PPP1R9A: variants seen among roughly 807,000 people sequenced by gnomAD.
PPP1R9A encodes protein phosphatase 1 regulatory subunit 9A, also known as neurabin-1.
PPP1R9A carries 59 observed loss-of-function variants against 141.9 expected under a neutral mutation model. The observed-to-expected ratio is 0.42, with a 90% CI of 0.34 to 0.52. PPP1R9A has a LOEUF of 0.52. Ranked by LOEUF, PPP1R9A falls within the 20% of genes least tolerant of loss-of-function variation. PPP1R9A has a pLI of 0.10. For missense variants in PPP1R9A, 1,444 were observed against 1,611.9 expected, an observed-to-expected ratio of 0.90 and a Z score of 1.78; for synonymous variants, 500 against 569.7, an observed-to-expected ratio of 0.88 and a Z score of 1.74.
intron 8 of PPP1R9A, among the ~76,000 whole-genome samples, chr7:95,240,367 T>C (rs1797271904): frequency 6.6e-6 from 1 of 152,096 alleles, no homozygotes; most frequent in Non-Finnish European, 1.5e-5. Flanking sequence ...GTTTTTGTTT[T>C]GTTTTCATTT....
intron 12 of PPP1R9A, among the ~76,000 whole-genome samples, chr7:95,259,451 A>T (rs1011622195): frequency 2.6e-5 from 4 of 152,170 alleles, no homozygotes; most frequent in African/African-American, 4.8e-5. Flanking sequence ...GTAAGAAAAT[A>T]AAAAAGGATA....
intron 8 of PPP1R9A, among the ~76,000 whole-genome samples, chr7:95,228,901 G>T (rs1046071973): frequency 6.6e-6 from 1 of 151,942 alleles, no homozygotes; most frequent in East Asian, 1.9e-4. Context: ...CCTAAGTATC[G>T]AGCTATAAGT....
intron 2 of PPP1R9A, among the ~76,000 whole-genome samples, chr7:95,022,692 G>T (rs543439974): frequency 6.6e-6 from 1 of 152,054 alleles, no homozygotes; most frequent in Non-Finnish European, 1.5e-5. Flanking sequence ...GCATGAAGGG[G>T]TGTTGAATTT....
intron 4 of PPP1R9A, among the ~76,000 whole-genome samples, chr7:95,151,654 T>G (rs1828694772): frequency 6.8e-6 from 1 of 146,606 alleles, no homozygotes; most frequent in Non-Finnish European, 1.5e-5. Flanking sequence ...CTTTAAAGGT[T>G]TTTTTTTTTT....
rs1368489228 is a variant in PPP1R9A, at chr7:94,910,779, G to A, written c.666G>A (p.Lys222=). 1 of 1,614,032 alleles carries A rather than the reference G, an allele frequency of 6.2e-7. No homozygotes were observed. The highest frequency in any genetic ancestry group is 1.7e-5 in the Admixed American group (1 of 60,016). ...TDSPSAIISE[K]AENNEYSVTG... is the part of the protein sequence containing the mutation. ...CTCCCAGTGCCATCATTTCTGAGAA[G>A]GCTGAAAACAATGAATACTCAGTGA... Residue 222 remains lysine, a synonymous_variant, in exon 2 of 20, where the codon AAG becomes AAA. Transcript: ENST00000433360. The surrounding 1 kb of genome is among the most constrained non-coding windows in gnomAD (Gnocchi z 4.5).
At chr7:95,285,093 C>G (rs1477470884) in intron 17 of PPP1R9A, among the ~76,000 whole-genome samples, 1 of 152,184 alleles carries the variant, frequency 6.6e-6, no homozygotes, top group African/African-American at 2.4e-5. Flanking sequence ...GCTCCATGTG[C>G]TCTAACCTAG....
At chr7:95,037,922 T>G (rs1329849191) in intron 2 of PPP1R9A, among the ~76,000 whole-genome samples, 2 of 145,422 alleles carry the variant, frequency 1.4e-5, no homozygotes, top group Non-Finnish European at 3.0e-5. Context: ...CTGGGCAATA[T>G]AGGGAAACCT....
At chr7:94,965,555 A>C (rs992951352) in intron 2 of PPP1R9A, among the ~76,000 whole-genome samples, 10 of 152,092 alleles carry the variant, frequency 6.6e-5, no homozygotes, top group African/African-American at 2.4e-4. Context: ...CAGTTTTCCC[A>C]ACACCGTTTA....
At chr7:95,002,453 G>A (rs567031496) in intron 2 of PPP1R9A, among the ~76,000 whole-genome samples, 6 of 152,294 alleles carry the variant, frequency 3.9e-5, no homozygotes, top group Non-Finnish European at 8.8e-5. Context: ...ATGGGAATAA[G>A]TTCAGGGGAC....
chr7:95,054,243 G>T (rs1254259918), intron 2 of PPP1R9A, among the ~76,000 whole-genome samples: 1 of 150,786 alleles, frequency 6.6e-6, no homozygotes, highest in African/African-American at 2.4e-5. Context: ...GGCCTCCCGA[G>T]TAGCTGAGAT....
At chr7:95,107,764 G>A (rs1353429373) in intron 2 of PPP1R9A, among the ~76,000 whole-genome samples, 1 of 152,010 alleles carries the variant, frequency 6.6e-6, no homozygotes, top group Non-Finnish European at 1.5e-5. Flanking sequence ...CAAACTGCTT[G>A]TTAGTTTTCA....
chr7:95,006,100 T>G (rs775403152), intron 2 of PPP1R9A, among the ~76,000 whole-genome samples: 1 of 152,138 alleles, frequency 6.6e-6, no homozygotes, highest in East Asian at 1.9e-4. Flanking sequence ...GCCTTATTTG[T>G]TAATTTTTGC....
At chr7:95,280,833 A>G (rs1804070748) in intron 16 of PPP1R9A, among the ~76,000 whole-genome samples, 1 of 152,188 alleles carries the variant, frequency 6.6e-6, no homozygotes, top group African/African-American at 2.4e-5. Flanking sequence ...GAGGAGGAGA[A>G]GAAGAAAGGG....
intron 2 of PPP1R9A, among the ~76,000 whole-genome samples, chr7:95,106,468 C>T (rs200537253): frequency 1.3e-5 from 2 of 152,128 alleles, no homozygotes; most frequent in East Asian, 3.9e-4. Context: ...ATGTATGTAT[C>T]TTGGGGTCTT....
In PPP1R9A at chr7:95,287,195, C is replaced by T. The variant is rs370346112; in HGVS notation, c.3729+870C>T. 1.2e-5 allele frequency: 19 copies of T among 1,563,940 alleles called. No individual in the cohort carries two copies. The African/African-American group carries it at 1.4e-4, about 11-fold the overall frequency. On this transcript the variant is annotated intron_variant, in intron 18 of 19. Transcript: ENST00000433360. ...GCTATTGTTTGAATGTGTTTTTTCG[C>T]TCTTTGGAGATGACTGAAAAATCAG... is the stretch of plus-strand genomic sequence containing the variant.
intron 5 of PPP1R9A, among the ~76,000 whole-genome samples, chr7:95,174,669 A>C (rs1832642684): frequency 6.6e-6 from 1 of 152,150 alleles, no homozygotes. Flanking sequence ...TGTGAATTTC[A>C]TTAGCAATCT....
rs150708820 is a variant in PPP1R9A, at chr7:95,246,211, G to C, written c.2113-1262G>C. ...CTTGGTAAAAACCCAAGGGAATACA[G>C]GTTGCAAACCCAAGAGAGGGCTGAG... is the stretch of plus-strand genomic sequence containing the variant. On this transcript the variant is annotated intron_variant, in intron 8 of 19. Transcript: ENST00000433360. Among the ~76,000 whole-genome samples, 4 of 152,204 alleles carry C rather than the reference G, an allele frequency of 2.6e-5. No homozygotes were observed. The East Asian group carries it at 7.8e-4, about 30-fold the overall frequency.
Position 95,000,492 on chromosome 7 carries a change from C to CT in PPP1R9A, c.1395+88989dup, listed in dbSNP as rs1471308109. Among the ~76,000 whole-genome samples the CT allele has an allele frequency of 3.3e-5, 5 of 151,908 alleles. No individual in the cohort carries two copies. In the East Asian group the frequency reaches 9.7e-4, roughly 29 times the overall value. On this transcript the variant is annotated intron_variant, in intron 2 of 19. Transcript: ENST00000433360. ...ATCTTATTTTATGTAGTAATTGATG[C>CT]TTTTTCATGTACTCTTACTATAGCC... is the stretch of plus-strand genomic sequence containing the variant.
chr7:95,059,821 G>A (rs930455738), intron 2 of PPP1R9A, among the ~76,000 whole-genome samples: 8 of 151,978 alleles, frequency 5.3e-5, no homozygotes, highest in Non-Finnish European at 1.2e-4. Flanking sequence ...GTGTCATTTT[G>A]GGACTGTGGA....
Sources: allele counts gnomAD v4.1 joint callset (sites outside exome capture counted in the v4.1 genomes callset), GRCh38; gene constraint gnomAD v4.1.1; non-coding constraint Gnocchi (gnomAD v3.1); transcripts MANE v1.5; gene names NCBI Gene and HGNC (gene_info 2026-07-23, HGNC 2026-07-21).